The following CWC27 variants were observed in gnomAD, a reference collection of about 807,000 sequenced individuals.
The protein encoded by CWC27 is spliceosome-associated protein CWC27 homolog.
In CWC27, 47 loss-of-function variants were observed where a neutral mutation model predicts 63.6. The observed-to-expected ratio is 0.74, with a 90% CI of 0.58 to 0.94. The LOEUF is 0.94. CWC27 is among the 40% of genes least tolerant of loss of function. The probability of loss-of-function intolerance (pLI) is 0.00; values close to 1 mark genes in which losing one functional copy is unlikely to be tolerated. For synonymous variants in CWC27, 175 were observed against 179.8 expected (o/e 0.97, Z 0.22); for missense variants, 495 against 554.3 (o/e 0.89, Z 1.07).
At chr5:64,799,622 G>A (rs1451568546) in intron 7 of CWC27, among the ~76,000 whole-genome samples, 1 of 109,072 alleles carries the variant, frequency 9.2e-6, no homozygotes. Flanking sequence ...AGCAGTAGTT[G>A]TTGTTTTATA....
intron 1 of CWC27, among the ~76,000 whole-genome samples, chr5:64,773,194 AT>A (rs1410148647): frequency 1.3e-5 from 2 of 152,214 alleles, no homozygotes; most frequent in Admixed American, 1.3e-4. Context: ...ATTGTTTTCA[AT>A]GGTGAACTTT....
intron 7 of CWC27, among the ~76,000 whole-genome samples, chr5:64,795,719 C>A (rs899158849): frequency 6.6e-6 from 1 of 152,088 alleles, no homozygotes; most frequent in Non-Finnish European, 1.5e-5. Flanking sequence ...AGGATAATGT[C>A]CCCACCTCAA....
chr5:64,970,318 T>G (rs912755566), intron 11 of CWC27, among the ~76,000 whole-genome samples: 3 of 151,712 alleles, frequency 2.0e-5, no homozygotes, highest in African/African-American at 7.3e-5. Context: ...GTTCACGCCA[T>G]TCTCCTGCCT....
Position 64,900,600 on chromosome 5 carries a change from A to C in CWC27, c.1042+15054A>C, listed in dbSNP as rs141991210. ...ATTAACTTTGTTCATTTTTGAATCTAGTTATTGGTTCTAAGAAATCTTTGC... is the reference window on the plus strand; with the variant it reads ...ATTAACTTTGTTCATTTTTGAATCTCGTTATTGGTTCTAAGAAATCTTTGC... On this transcript the variant is annotated intron_variant, in intron 11 of 13. Transcript: ENST00000381070. 2.6e-3 allele frequency among the ~76,000 whole-genome samples: 393 copies of C among 152,060 alleles called. 5 individuals are homozygous for C. Among genetic ancestry groups the C allele is most frequent in the Non-Finnish European group, 2.3e-3 (153 of 67,966 alleles).
At chr5:64,895,257 T>A (rs1042068980) in intron 11 of CWC27, among the ~76,000 whole-genome samples, 4 of 151,592 alleles carry the variant, frequency 2.6e-5, no homozygotes, top group Non-Finnish European at 4.4e-5. Flanking sequence ...ATGAACAGCA[T>A]CTATAGCATA....
intron 11 of CWC27, among the ~76,000 whole-genome samples, chr5:64,906,203 A>G (rs1747636910): frequency 1.3e-5 from 2 of 152,124 alleles, no homozygotes; most frequent in Non-Finnish European, 2.9e-5. Flanking sequence ...CCAGTAATGG[A>G]ATCAGTGGGT....
intron 11 of CWC27, among the ~76,000 whole-genome samples, chr5:64,908,235 C>T (rs1275394691): frequency 6.6e-6 from 1 of 152,200 alleles, no homozygotes; most frequent in Admixed American, 6.5e-5. Flanking sequence ...TTTGATTGCA[C>T]TGTGGTCTGA....
chr5:64,814,002 C>G (rs1744958497), intron 10 of CWC27, among the ~76,000 whole-genome samples: 1 of 152,048 alleles, frequency 6.6e-6, no homozygotes, highest in African/African-American at 2.4e-5. Context: ...CACATGCAGT[C>G]CAGGATGGCT....
At chr5:64,823,067 A>AT (rs1220699468) in intron 10 of CWC27, among the ~76,000 whole-genome samples, 1 of 152,058 alleles carries the variant, frequency 6.6e-6, no homozygotes, top group Non-Finnish European at 1.5e-5. Context: ...TAGAAATGAG[A>AT]TCTGAGTAAA....
At chr5:64,807,506 A>T in intron 10 of CWC27, 1 of 1,402,070 alleles carries the variant, frequency 7.1e-7, no homozygotes, top group Non-Finnish European at 9.2e-7. Flanking sequence ...CTCCTTAGAG[A>T]ATCGGCACCC....
At chr5:64,910,324 C>T (rs1454461433) in intron 11 of CWC27, among the ~76,000 whole-genome samples, 5 of 152,172 alleles carry the variant, frequency 3.3e-5, no homozygotes, top group African/African-American at 7.2e-5. Flanking sequence ...CTGGAAGCTT[C>T]GTCCCAGAGG....
At chr5:65,000,000 T>C (rs899639608) in intron 13 of CWC27, among the ~76,000 whole-genome samples, 1 of 152,080 alleles carries the variant, frequency 6.6e-6, no homozygotes, top group Non-Finnish European at 1.5e-5. Flanking sequence ...CAGCATTCGT[T>C]ATTTGCTGTC....
chr5:64,830,406 A>G (rs1024558585), intron 10 of CWC27, among the ~76,000 whole-genome samples: 1 of 152,126 alleles, frequency 6.6e-6, no homozygotes, highest in Non-Finnish European at 1.5e-5. Flanking sequence ...TTCTTTCTTT[A>G]CACCTTATAG....
chr5:64,922,252 C>A (rs1186996603), intron 11 of CWC27, among the ~76,000 whole-genome samples: 4 of 152,192 alleles, frequency 2.6e-5, no homozygotes, highest in Admixed American at 2.6e-4. Flanking sequence ...CTCTCTTATT[C>A]TCTTTCAGGA....
At chr5:64,995,629 T>A (rs1205244774) in intron 13 of CWC27, among the ~76,000 whole-genome samples, 1 of 152,216 alleles carries the variant, frequency 6.6e-6, no homozygotes. Flanking sequence ...CCCATGGATA[T>A]TAAATGTGTT....
At chr5:64,966,572 T>G (rs2112438105) in intron 11 of CWC27, among the ~76,000 whole-genome samples, 1 of 152,244 alleles carries the variant, frequency 6.6e-6, no homozygotes, top group Admixed American at 6.5e-5. Flanking sequence ...TGTATCCCTA[T>G]CTCACTCATA....
At chr5:65,001,347 G>C (rs1451758045) in intron 13 of CWC27, among the ~76,000 whole-genome samples, 1 of 152,058 alleles carries the variant, frequency 6.6e-6, no homozygotes, top group African/African-American at 2.4e-5. Flanking sequence ...AGGACTTCCA[G>C]TACCATGTTG....
chr5:64,864,285 C>T (rs1358614320), intron 10 of CWC27, among the ~76,000 whole-genome samples: 2 of 152,138 alleles, frequency 1.3e-5, no homozygotes, highest in African/African-American at 4.8e-5. Context: ...GCCTCTTTTA[C>T]TTTTCCAATA....
At chr5:64,812,704 C>T (rs1372691141) in intron 10 of CWC27, among the ~76,000 whole-genome samples, 1 of 151,926 alleles carries the variant, frequency 6.6e-6, no homozygotes, top group Non-Finnish European at 1.5e-5. Context: ...ATATGTTATT[C>T]GTGTTCCCAG....
Sources: gnomAD v4.1 joint callset for allele counts (sites outside exome capture counted in the v4.1 genomes callset) on GRCh38, gnomAD v4.1.1 for gene constraint, MANE v1.5 for transcripts, NCBI Gene and HGNC (gene_info 2026-07-23, HGNC 2026-07-21) for gene names.